SYNCRIP: variants seen among roughly 807,000 people sequenced by gnomAD.
SYNCRIP encodes the protein synaptotagmin binding cytoplasmic RNA interacting protein.
A neutral mutation model predicts 68.9 loss-of-function variants in SYNCRIP; 9 were observed. That is an observed-to-expected ratio of 0.13 (90% confidence interval 0.08 to 0.23). The LOEUF (loss-of-function observed/expected upper bound fraction) is 0.23. Ranked by LOEUF, SYNCRIP falls within the 10% of genes least tolerant of loss-of-function variation. The pLI, the probability that SYNCRIP is intolerant of heterozygous loss-of-function variation, is 1.00. For missense variants in SYNCRIP, 414 were observed against 770.6 expected (o/e 0.54, Z 5.48); for synonymous variants, 258 against 254.0 (o/e 1.02, Z -0.15).
Position 85,614,058 on chromosome 6 carries a change from T to A in SYNCRIP, c.*698A>T. ...GCACTTTAAACCAGAAGCAGAAAAC[T>A]GCAATAAATCAGTGTTGTGTAATGT... On this transcript the variant is annotated 3_prime_UTR_variant, in exon 11 of 11. Transcript: ENST00000369622. 1 of 985,812 alleles carries A rather than the reference T, an allele frequency of 1.0e-6. No homozygotes were observed. The highest frequency in any genetic ancestry group is 1.2e-6 in the Non-Finnish European group (1 of 829,924). 61.1% of individuals were successfully genotyped at this position (985,812 alleles called of 1,614,324 possible).
intron 6 of SYNCRIP, among the ~76,000 whole-genome samples, chr6:85,632,416 T>C (rs1043748858): frequency 5.9e-5 from 9 of 152,162 alleles, no homozygotes; most frequent in Admixed American, 3.3e-4. Context: ...AATCTCAAAA[T>C]GTAACACAGT....
intron 6 of SYNCRIP, among the ~76,000 whole-genome samples, chr6:85,630,273 A>T (rs1039679079): frequency 6.6e-6 from 1 of 152,182 alleles, no homozygotes; most frequent in Non-Finnish European, 1.5e-5. Flanking sequence ...AGTCAGGAGA[A>T]TGGCGTGAAC....
chr6:85,628,330 A>G lies in SYNCRIP; in HGVS notation c.667-4218T>C, dbSNP rs147555307. ...CTCAGCCTCCCAAAATGCTGGGATCACAGGCATGATCCACCGCACCTGGCC... is the reference window on the plus strand; with the variant it reads ...CTCAGCCTCCCAAAATGCTGGGATCGCAGGCATGATCCACCGCACCTGGCC... On this transcript the variant is annotated intron_variant, in intron 6 of 10. Transcript: ENST00000369622. Among the ~76,000 whole-genome samples, 35 of 152,348 alleles carry G rather than the reference A, an allele frequency of 2.3e-4. No individual in the cohort carries two copies. In the East Asian group the frequency reaches 6.6e-3, roughly 29 times the overall value.
intron 10 of SYNCRIP, among the ~76,000 whole-genome samples, chr6:85,616,882 T>C (rs2128279998): frequency 6.6e-6 from 1 of 152,288 alleles, no homozygotes; most frequent in Middle Eastern, 3.4e-3. Context: ...GGGGTGCTAC[T>C]GGCATCTAGC....
intron 8 of SYNCRIP, among the ~76,000 whole-genome samples, chr6:85,620,064 C>A (rs1482348472): frequency 6.6e-6 from 1 of 152,066 alleles, no homozygotes; most frequent in Non-Finnish European, 1.5e-5. Context: ...CTGGCCAACA[C>A]AGTAACACCC....
At position 85,641,151 on chromosome 6, in the gene SYNCRIP, CTTAAA is replaced by C. The variant is rs571598974; in HGVS notation, c.148+136_148+140del. On this transcript the variant is annotated intron_variant, in intron 2 of 10. Coordinates refer to ENST00000369622, the MANE Select transcript of SYNCRIP (RefSeq NM_006372.5). ...TATACATCTTAACCTCTACTTCAAACTTAAATTAACCAACTATCACAACAAGCAAA... is the reference window on the plus strand; with the variant it reads ...TATACATCTTAACCTCTACTTCAAACTTAACCAACTATCACAACAAGCAAA... The C allele has an allele frequency of 2.9e-4, 196 of 672,262 alleles. No individual in the cohort carries two copies. In the African/African-American group the frequency reaches 3.1e-3, roughly 10 times the overall value. 41.6% of individuals were successfully genotyped at this position (672,262 alleles called of 1,614,324 possible). A position where few individuals can be genotyped will look rare whatever the true frequency, so the allele number is the denominator to read the frequency against.
At chr6:85,618,748 C>G (rs552098478) in intron 10 of SYNCRIP, 70 bp downstream of exon 10, 1 of 1,334,354 alleles carries the variant, frequency 7.5e-7, no homozygotes, top group Non-Finnish European at 1.0e-6. Context: ...CTGATCAACA[C>G]CTGTTATTTT....
At position 85,640,236 on chromosome 6, in the gene SYNCRIP, A is replaced by G; in HGVS notation, c.360T>C (p.Asp120=). The change falls in exon 4 of 11, where the codon GAT becomes GAC. Residue 120 remains aspartate, a synonymous_variant. Coordinates refer to ENST00000369622, the MANE Select transcript of SYNCRIP (RefSeq NM_006372.5). ...AAAGACATACCTTAATTTTTGCCTC[A>G]TCTGGTCCTTTACTAGAATCTGCTA... is the stretch of plus-strand genomic sequence containing the variant. ...TKVADSSKGP[D]EAKIKALLER... is the part of the protein sequence containing the mutation. 1 of 1,613,342 alleles carries G rather than the reference A, an allele frequency of 6.2e-7. No homozygotes were observed. The highest frequency in any genetic ancestry group is 8.5e-7 in the Non-Finnish European group (1 of 1,179,466).
Position 85,614,143 on chromosome 6 carries a change from G to A in SYNCRIP, c.*613C>T. ...AAAACCCTTTAATTGGCCTTGACAT[G>A]CTATACAATTTGAACCAAATTTGCA... On this transcript the variant is annotated 3_prime_UTR_variant, in exon 11 of 11. Transcript: ENST00000369622. The A allele has an allele frequency of 1.0e-6, 1 of 985,824 alleles. No individual in the cohort carries two copies. The highest frequency in any genetic ancestry group is 1.2e-6 in the Non-Finnish European group (1 of 829,922). 61.1% of individuals were successfully genotyped at this position (985,824 alleles called of 1,614,324 possible).
intron 2 of SYNCRIP, 88 bp downstream of exon 2, chr6:85,641,204 G>C (rs1809101319): frequency 8.9e-7 from 1 of 1,128,012 alleles, no homozygotes; most frequent in South Asian, 1.4e-5. Context: ...ACACTTATTG[G>C]AAACCACAAA....
rs113334933 is a variant in SYNCRIP at position 85,616,387 on chromosome 6, G to A, written c.1281-1040C>T. Among the ~76,000 whole-genome samples, 955 of 152,180 alleles carry A rather than the reference G, an allele frequency of 6.3e-3. 7 individuals carry two copies. The highest frequency in any genetic ancestry group is 0.022 in the African/African-American group (900 of 41,522). ...GTCACCCAGGCTGCAATGCAGTGGCGCAATCTCACCTCACTGCAACCTCCA... is the reference window on the plus strand; with the variant it reads ...GTCACCCAGGCTGCAATGCAGTGGCACAATCTCACCTCACTGCAACCTCCA... On this transcript the variant is annotated intron_variant, in intron 10 of 10. Coordinates refer to ENST00000369622, the MANE Select transcript of SYNCRIP (RefSeq NM_006372.5).
chr6:85,625,859 T>G (rs1009856613), intron 6 of SYNCRIP, among the ~76,000 whole-genome samples: 2 of 152,212 alleles, frequency 1.3e-5, no homozygotes, highest in Admixed American at 1.3e-4. Context: ...AGACCAACAG[T>G]TCTCAACAGG....
chr6:85,614,370 T>A lies in SYNCRIP; in HGVS notation c.*386A>T. On this transcript the variant is annotated 3_prime_UTR_variant, in exon 11 of 11. Transcript: ENST00000369622. ...ATTCTAGCAATTTAAGTTGGTAACA[T>A]ACAAAGTTATTCTGATACAAGATAT... 1.0e-6 allele frequency: 1 copy of A among 992,882 alleles called. No individual in the cohort carries two copies. The highest frequency in any genetic ancestry group is 1.2e-6 in the Non-Finnish European group (1 of 834,910). 61.5% of individuals were successfully genotyped at this position (992,882 alleles called of 1,614,324 possible).
In SYNCRIP at chr6:85,619,382, A is replaced by G. The variant is rs1188569121; in HGVS notation, c.1044T>C (p.Thr348=). 3 of 1,613,792 alleles carry G rather than the reference A, an allele frequency of 1.9e-6. No homozygotes were observed. The highest frequency in any genetic ancestry group is 2.5e-6 in the Non-Finnish European group (3 of 1,179,982). ...CCTTTTCTAAAATCTCTTCTGTTAC[A>G]GTATTGGCAAGGTTGCGTACAAACA... ...KVLFVRNLAN[T]VTEEILEKAF... is the part of the protein sequence containing the mutation. Residue 348 remains threonine, a synonymous_variant, in exon 9 of 11, where the codon ACT becomes ACC. Coordinates refer to ENST00000369622, the MANE Select transcript of SYNCRIP (RefSeq NM_006372.5).
Position 85,614,254 on chromosome 6 carries a change from A to G in SYNCRIP, c.*502T>C. ...ATTTTTTATTGAAATAAACAACAGCATAAAGAATACAAGTAGCCAAAATGG... is the reference window on the plus strand; with the variant it reads ...ATTTTTTATTGAAATAAACAACAGCGTAAAGAATACAAGTAGCCAAAATGG... On this transcript the variant is annotated 3_prime_UTR_variant, in exon 11 of 11. Transcript: ENST00000369622. The G allele has an allele frequency of 1.0e-6, 1 of 985,582 alleles. No individual in the cohort carries two copies. The highest frequency in any genetic ancestry group is 1.2e-6 in the Non-Finnish European group (1 of 829,622). The allele number at this position is 985,582 out of a possible 1,614,324, so 61.1% of individuals were successfully genotyped here.
downstream of SYNCRIP, chr6:85,611,148 G>C (rs3778143): frequency 2.2e-4 from 34 of 152,048 alleles, no homozygotes; most frequent in East Asian, 6.4e-3. Context: ...GAAACATACA[G>C]GCTATTGGCA....
At chr6:85,619,163 C>A (rs1018897916) in intron 9 of SYNCRIP, 105 bp downstream of exon 9, 5 of 1,478,270 alleles carry the variant, frequency 3.4e-6, no homozygotes, top group Non-Finnish European at 3.7e-6. Context: ...TGAATGGATT[C>A]CATGGACTTC....
In SYNCRIP at chr6:85,617,034, T is replaced by C. The variant is rs932899431; in HGVS notation, c.1281-1687A>G. Among the ~76,000 whole-genome samples, 5 of 152,088 alleles carry C rather than the reference T, an allele frequency of 3.3e-5. No individual in the cohort carries two copies. The East Asian group carries it at 7.7e-4, about 23-fold the overall frequency. ...GTTAAGAGGGAAAATTATGGGAGAC[T>C]AGACTACCTTAGTTCAAATCCAACT... is the stretch of plus-strand genomic sequence containing the variant. On this transcript the variant is annotated intron_variant, in intron 10 of 10. Coordinates refer to ENST00000369622, the MANE Select transcript of SYNCRIP (RefSeq NM_006372.5).
At chr6:85,640,950 G>C (rs930342128) in intron 2 of SYNCRIP, among the ~76,000 whole-genome samples, 18 of 152,058 alleles carry the variant, frequency 1.2e-4, no homozygotes, top group African/African-American at 4.3e-4. Context: ...AGAAAGACAA[G>C]AAAACAAGTC....
Sources: gnomAD v4.1 joint callset for allele counts (sites outside exome capture counted in the v4.1 genomes callset) on GRCh38, gnomAD v4.1.1 for gene constraint, MANE v1.5 for transcripts, NCBI Gene and HGNC (gene_info 2026-07-23, HGNC 2026-07-21) for gene names.